The following RPS6KA2 variants were observed in gnomAD, a reference collection of about 807,000 sequenced individuals.
RPS6KA2 encodes ribosomal protein S6 kinase A2.
In RPS6KA2, 42 loss-of-function variants were observed where a neutral mutation model predicts 91.8. The observed-to-expected ratio is 0.46, with a 90% CI of 0.36 to 0.59. The LOEUF is 0.59. Among genes scored for constraint, RPS6KA2 ranks in the 20% least tolerant of loss-of-function variants. RPS6KA2 has a pLI of 0.00. For missense variants in RPS6KA2, 798 were observed against 978.5 expected (o/e 0.82, Z 2.46); for synonymous variants, 414 against 393.6 (o/e 1.05, Z -0.61).
intron 14 of RPS6KA2, among the ~76,000 whole-genome samples, chr6:166,436,363 C>T (rs567970883): frequency 6.6e-5 from 10 of 152,050 alleles, no homozygotes; most frequent in African/African-American, 2.4e-4. Context: ...CTGGGTCAAC[C>T]CAGAGGCCTT....
At chr6:166,808,578 C>T (rs1189609611) in intron 2 of RPS6KA2, among the ~76,000 whole-genome samples, 2 of 152,098 alleles carry the variant, frequency 1.3e-5, no homozygotes, top group East Asian at 1.9e-4. Flanking sequence ...AAATGTCTTA[C>T]GTATTGAATC....
intron 2 of RPS6KA2, among the ~76,000 whole-genome samples, chr6:166,828,925 T>C (rs1479831654): frequency 6.6e-6 from 1 of 152,182 alleles, no homozygotes; most frequent in Non-Finnish European, 1.5e-5. Flanking sequence ...GCAAATCATA[T>C]ATCAGATAAG....
chr6:166,414,992 G>A (rs546932604), intron 19 of RPS6KA2, among the ~76,000 whole-genome samples: 18 of 152,358 alleles, frequency 1.2e-4, no homozygotes, highest in African/African-American at 4.1e-4. Flanking sequence ...TTGAGCCCAG[G>A]AGGCAGAGGT....
chr6:166,841,827 T>C (rs1156904022), intron 2 of RPS6KA2, among the ~76,000 whole-genome samples: 1 of 152,226 alleles, frequency 6.6e-6, no homozygotes, highest in Non-Finnish European at 1.5e-5. Context: ...GAGGCTTGTT[T>C]GGTAGAGGAC....
chr6:166,473,420 G>A (rs1291912018), intron 10 of RPS6KA2, among the ~76,000 whole-genome samples: 1 of 152,080 alleles, frequency 6.6e-6, no homozygotes, highest in African/African-American at 2.4e-5. Context: ...TCAAACTCTT[G>A]GGCTCAAGTG....
chr6:166,426,243 T>G (rs1027801729), intron 16 of RPS6KA2, among the ~76,000 whole-genome samples: 13 of 148,786 alleles, frequency 8.7e-5, no homozygotes, highest in Non-Finnish European at 1.8e-4. Flanking sequence ...AAAGATGTTC[T>G]TTGAAACCAA....
At chr6:166,421,119 C>T (rs1043417821) in intron 17 of RPS6KA2, among the ~76,000 whole-genome samples, 4 of 152,154 alleles carry the variant, frequency 2.6e-5, no homozygotes, top group Admixed American at 2.0e-4. Context: ...AATCCATCAG[C>T]GGGGTGACCT....
intron 3 of RPS6KA2, among the ~76,000 whole-genome samples, chr6:166,511,765 A>T (rs1033975463): frequency 6.6e-6 from 1 of 152,264 alleles, no homozygotes; most frequent in East Asian, 1.9e-4. Context: ...TTCTTCACCA[A>T]GAATGCTGCA....
At chr6:166,783,402 C>G (rs981376564) in intron 2 of RPS6KA2, among the ~76,000 whole-genome samples, 1 of 152,054 alleles carries the variant, frequency 6.6e-6, no homozygotes, top group Non-Finnish European at 1.5e-5. Flanking sequence ...AACATCTACT[C>G]CCACTAGAAT....
At chr6:166,735,140 A>G (rs1265000920) in intron 2 of RPS6KA2, among the ~76,000 whole-genome samples, 1 of 152,242 alleles carries the variant, frequency 6.6e-6, no homozygotes, top group African/African-American at 2.4e-5. Flanking sequence ...CTTTGGCAGG[A>G]TAAGAAGAGC....
intron 2 of RPS6KA2, among the ~76,000 whole-genome samples, chr6:166,822,331 T>A (rs1367166447): frequency 6.6e-6 from 1 of 152,134 alleles, no homozygotes; most frequent in Non-Finnish European, 1.5e-5. Context: ...CCTAAGCCAA[T>A]CTGACTGGTA....
At chr6:166,417,620 TACAC>T (rs10568123) in intron 19 of RPS6KA2, among the ~76,000 whole-genome samples, 15,143 of 148,080 alleles carry the variant, frequency 0.1, 1,352 homozygotes, top group African/African-American at 0.24. Flanking sequence ...TCTCTCTCTA[TACAC>T]ACACACACAC....
chr6:166,425,519 T>C (rs1372037670), intron 16 of RPS6KA2, among the ~76,000 whole-genome samples: 11 of 151,828 alleles, frequency 7.2e-5, no homozygotes, highest in Admixed American at 3.9e-4. Context: ...TTGGATAGAG[T>C]GTCAAGACCC....
rs1028038534 is a variant in RPS6KA2 at position 166,612,201 on chromosome 6, T to C, written c.99+14720A>G. Among the ~76,000 whole-genome samples, 2 of 152,074 alleles carry C rather than the reference T, an allele frequency of 1.3e-5. No individual in the cohort carries two copies. Among genetic ancestry groups the C allele is most frequent in the Admixed American group, 1.3e-4 (2 of 15,278 alleles). ...ACTCACTGACCATCTGGGGGGGCTC[T>C]AGGAAAAGCCTGGAAGAGACTCTCT... On this transcript the variant is annotated intron_variant, in intron 1 of 20. Transcript: ENST00000265678. The surrounding 1 kb of genome is among the most constrained non-coding windows in gnomAD (Gnocchi z 4.3).
At chr6:166,481,912 TC>T (rs757675984) in intron 10 of RPS6KA2, among the ~76,000 whole-genome samples, 1 of 151,304 alleles carries the variant, frequency 6.6e-6, no homozygotes, top group Non-Finnish European at 1.5e-5. Context: ...TGTATACCTC[TC>T]TGATCAATCT....
At chr6:166,561,101 A>G (rs1372429542) in intron 1 of RPS6KA2, among the ~76,000 whole-genome samples, 1 of 152,148 alleles carries the variant, frequency 6.6e-6, no homozygotes, top group Non-Finnish European at 1.5e-5. Flanking sequence ...TAGCAAGAAC[A>G]ATCATATAAA....
intron 1 of RPS6KA2, among the ~76,000 whole-genome samples, chr6:166,609,747 G>A (rs55797400): frequency 0.15 from 22,695 of 151,990 alleles, 1,767 homozygotes; most frequent in South Asian, 0.23. Context: ...TGATCTGCCC[G>A]CCTCGTCCTC....
At chr6:166,546,264 C>G (rs1263606878) in intron 1 of RPS6KA2, among the ~76,000 whole-genome samples, 1 of 152,100 alleles carries the variant, frequency 6.6e-6, no homozygotes, top group East Asian at 1.9e-4. Flanking sequence ...CAGATTAGGT[C>G]AAGCCACAGT....
In RPS6KA2 at chr6:166,448,679, G is replaced by A. The variant is rs757005918; in HGVS notation, c.1332+45C>T. 20 of 1,575,192 alleles carry A rather than the reference G, an allele frequency of 1.3e-5. No individual in the cohort carries two copies. Among genetic ancestry groups the A allele is most frequent in the Middle Eastern group, 3.6e-4 (2 of 5,512 alleles). ...CCACATACCACACGTGCTCCCACGCGCTGCACTCACACAGGGCCCTGCTCA... is the reference window on the plus strand; with the variant it reads ...CCACATACCACACGTGCTCCCACGCACTGCACTCACACAGGGCCCTGCTCA... On this transcript the variant is annotated intron_variant, in intron 14 of 20. Coordinates refer to ENST00000265678, the MANE Select transcript of RPS6KA2 (RefSeq NM_021135.6). This position sits in a 1 kb window ranked among gnomAD's most constrained non-coding sequence, Gnocchi z 4.7.
Sources: gnomAD v4.1 joint callset for allele counts (sites outside exome capture counted in the v4.1 genomes callset) on GRCh38, gnomAD v4.1.1 for gene constraint, Gnocchi (gnomAD v3.1) non-coding constraint, MANE v1.5 for transcripts, NCBI Gene and HGNC (gene_info 2026-07-23, HGNC 2026-07-21) for gene names.